The following CISH variants were observed in gnomAD, a reference collection of about 807,000 sequenced individuals.
The protein encoded by CISH is cytokine-inducible SH2-containing protein.
Under a neutral mutation model 21.3 loss-of-function variants are expected in CISH, and 11 were observed. The ratio of observed to expected loss-of-function variants is 0.52; its 90% CI spans 0.32 to 0.85. The LOEUF (loss-of-function observed/expected upper bound fraction) is 0.85, where lower values mean the gene tolerates loss of function less well. Ranked by LOEUF, CISH falls within the 40% of genes least tolerant of loss-of-function variation. CISH has a pLI of 0.03. For missense variants in CISH, 280 were observed against 351.7 expected (o/e 0.80, Z 1.63); for synonymous variants, 118 against 142.3 (o/e 0.83, Z 1.22).
chr3:50,611,417 G>A, intron 1 of CISH: 2 of 1,361,478 alleles, frequency 1.5e-6, no homozygotes, highest in African/African-American at 1.5e-5. Flanking sequence ...GCCAGCCCCC[G>A]GTTTCCCAAT....
At position 50,608,540 on chromosome 3, in the gene CISH, G is replaced by A. The variant is rs371205890; in HGVS notation, c.74C>T (p.Pro25Leu). The A allele has an allele frequency of 1.9e-4, 296 of 1,591,972 alleles. 1 individual carries two copies. Among genetic ancestry groups the A allele is most frequent in the Non-Finnish European group, 2.2e-4 (261 of 1,170,086 alleles). Residue 25 changes from proline to leucine, a missense_variant, in exon 2 of 3, where the codon CCG becomes CTG. Physicochemically the swap from Pro to Leu is moderately conservative, Grantham distance 98. Coordinates refer to ENST00000348721, the MANE Select transcript of CISH (RefSeq NM_145071.4). ...GACTGGCTTGGGCAGTTCCAGGGAC[G>A]GGGCCCACAGGGGCCGCTGCCCAGT... is the stretch of plus-strand genomic sequence containing the variant. ...ERTGQRPLWA[P>L]SLELPKPVMQ...
chr3:50,611,389 G>A (rs1430752627), intron 1 of CISH: 3 of 1,357,572 alleles, frequency 2.2e-6, no homozygotes, highest in African/African-American at 3.1e-5. Flanking sequence ...CCCACCCTGT[G>A]AGTTCCTCCT....
At chr3:50,610,925 G>A in intron 1 of CISH, 1 of 1,010,114 alleles carries the variant, frequency 9.9e-7, no homozygotes, top group Non-Finnish European at 1.2e-6. Context: ...CTCAGCTCAG[G>A]TCAAGACTCT....
chr3:50,609,436 T>A (rs1210533930), intron 1 of CISH: 2 of 152,202 alleles, frequency 1.3e-5, no homozygotes, highest in Non-Finnish European at 2.9e-5. Flanking sequence ...TTTTCCGCAA[T>A]AAAGGGTCCC....
chr3:50,611,711 A>G lies in CISH; in HGVS notation c.-61T>C. The G allele has an allele frequency of 7.0e-7, 1 of 1,438,516 alleles. No homozygotes were observed. 89.1% of individuals were successfully genotyped at this position (1,438,516 alleles called of 1,614,324 possible). On this transcript the variant is annotated 5_prime_UTR_variant, in exon 1 of 3. Coordinates refer to ENST00000348721, the MANE Select transcript of CISH (RefSeq NM_145071.4). Reference sequence around the variant, plus strand: ...CGGCTGGACGGCGGCGGCTGGAGGGAACCAGTGGGCGCGGAGCGCGTGCTG... The same window carrying G: ...CGGCTGGACGGCGGCGGCTGGAGGGGACCAGTGGGCGCGGAGCGCGTGCTG...
In CISH at chr3:50,607,995, C is replaced by T. The variant is rs201825038; in HGVS notation, c.389G>A (p.Arg130His). 4.3e-6 allele frequency: 7 copies of T among 1,614,050 alleles called. No homozygotes were observed. The highest frequency in any genetic ancestry group is 4.2e-6 in the Non-Finnish European group (5 of 1,180,024). Residue 130 changes from arginine (R) to histidine (H), a missense_variant, in exon 3 of 3, where the codon CGC becomes CAC. By Grantham distance (29) the Arg-to-His change is conservative. Transcript: ENST00000348721. Reference sequence around the variant, plus strand: ...GAAGCTGGAGTCGGCATACTCAATGCGTACATTGGTGGGGCCACGAGTGGT... The same window carrying T: ...GAAGCTGGAGTCGGCATACTCAATGTGTACATTGGTGGGGCCACGAGTGGT... ...VKTTRGPTNV[R>H]IEYADSSFRL...
chr3:50,611,101 G>A (rs2032309873), intron 1 of CISH: 2 of 983,632 alleles, frequency 2.0e-6, no homozygotes, highest in Non-Finnish European at 2.4e-6. Flanking sequence ...CCAAACCCAG[G>A]GCCTCCCGAG....
rs1199440919 is a variant in CISH at position 50,608,449 on chromosome 3, C to T, written c.165G>A (p.Glu55=). ...CTGGGTCCAGCACCTTTGGCTCACT[C>T]TCTGTCTGGGCTGGGGTACCCTCTG... ...EVAEGTPAQT[E]SEPKVLDPEE... is the part of the protein sequence containing the mutation. The change falls in exon 2 of 3, where the codon GAG becomes GAA. Residue 55 remains glutamate, a synonymous_variant. Coordinates refer to ENST00000348721, the MANE Select transcript of CISH (RefSeq NM_145071.4). The T allele has an allele frequency of 1.2e-6, 2 of 1,613,708 alleles. No individual in the cohort carries two copies. The highest frequency in any genetic ancestry group is 2.7e-5 in the African/African-American group (2 of 74,956).
intron 2 of CISH, 114 bp downstream of exon 2, chr3:50,608,259 T>C: frequency 1.4e-6 from 2 of 1,462,784 alleles, no homozygotes; most frequent in Non-Finnish European, 1.9e-6. Context: ...GCTGTGCCTC[T>C]CCCATCAGAC....
chr3:50,611,768 A>C lies in CISH; in HGVS notation c.-118T>G, dbSNP rs2107562347. The C allele has an allele frequency of 7.6e-7, 1 of 1,319,872 alleles. No individual in the cohort carries two copies. Among genetic ancestry groups the C allele is most frequent in the Admixed American group, 4.1e-5 (1 of 24,690 alleles). 81.8% of individuals were successfully genotyped at this position (1,319,872 alleles called of 1,614,324 possible). On this transcript the variant is annotated 5_prime_UTR_variant, in exon 1 of 3. Transcript: ENST00000348721. The stretch of plus-strand genomic sequence containing the variant: ...CTCCCGGGGCGCGCGGGCGCAGGAC[A>C]GGGACTGAGAGGCAGTGGCGCGGAC...
At position 50,607,776 on chromosome 3, in the gene CISH, G is replaced by A. The variant is rs756310030; in HGVS notation, c.608C>T (p.Ala203Val). ...CACCAGTTTTAGGTGTACAGCAGTGGCTGGTGGAGGAGCAGGCAGTGCTGG... is the reference window on the plus strand; with the variant it reads ...CACCAGTTTTAGGTGTACAGCAGTGACTGGTGGAGGAGCAGGCAGTGCTGG... ...SDPALPAPPPATAVHLKLVQP... is the reference protein window; with the variant it reads ...SDPALPAPPPVTAVHLKLVQP... Residue 203 changes from alanine (A) to valine (V), a missense_variant, in exon 3 of 3, where the codon GCC (alanine) becomes GTC (valine). Physicochemically the swap from Ala to Val is moderately conservative, Grantham distance 64. Transcript: ENST00000348721. 2.5e-6 allele frequency: 4 copies of A among 1,613,920 alleles called. No individual in the cohort carries two copies. The South Asian group carries it at 3.3e-5, about 13-fold the overall frequency.
chr3:50,611,480 G>A, intron 1 of CISH, 151 bp downstream of exon 1: 1 of 1,456,380 alleles, frequency 6.9e-7, no homozygotes, highest in Non-Finnish European at 9.0e-7. Flanking sequence ...GAGTGTCACA[G>A]CCCCACACAG....
At position 50,606,851 on chromosome 3, in the gene CISH, A is replaced by G. The variant is rs947400922; in HGVS notation, c.*756T>C. On this transcript the variant is annotated 3_prime_UTR_variant, in exon 3 of 3. Coordinates refer to ENST00000348721, the MANE Select transcript of CISH (RefSeq NM_145071.4). Reference sequence around the variant, plus strand: ...TGCTGGGGACTGAGGCTCCGGCTGCATTTTCTTACCTATTGTAGTTGTCCA... The same window carrying G: ...TGCTGGGGACTGAGGCTCCGGCTGCGTTTTCTTACCTATTGTAGTTGTCCA... 2.0e-5 allele frequency: 3 copies of G among 152,476 alleles called. No individual in the cohort carries two copies. Among genetic ancestry groups the G allele is most frequent in the Admixed American group, 6.5e-5 (1 of 15,280 alleles). The allele number at this position is 152,476 out of a possible 1,614,324, so 9.4% of individuals were successfully genotyped here. A position where few individuals can be genotyped will look rare whatever the true frequency, so the allele number is the denominator to read the frequency against.
In CISH at chr3:50,607,731, C is replaced by T; in HGVS notation, c.653G>A (p.Ser218Asn). 1 of 1,613,980 alleles carries T rather than the reference C, an allele frequency of 6.2e-7. No homozygotes were observed. Among genetic ancestry groups the T allele is most frequent in the Non-Finnish European group, 8.5e-7 (1 of 1,179,934 alleles). ...LKLVQPFVRR[S>N]SARSLQHLCR... The stretch of plus-strand genomic sequence containing the variant: ...CAGGTGTTGCAGGCTGCGGGCACTG[C>T]TTCTGCGTACAAAGGGCTGCACCAG... The change falls in exon 3 of 3, where the codon AGC becomes AAC. Residue 218 changes from serine (S) to asparagine (N), a missense_variant. Transcript: ENST00000348721.
chr3:50,610,471 T>C (rs2032290349), intron 1 of CISH: 2 of 1,551,206 alleles, frequency 1.3e-6, no homozygotes, highest in Non-Finnish European at 1.7e-6. Flanking sequence ...AGCGCAGCAG[T>C]CTAAAACTTT....
In CISH at chr3:50,608,453, G is replaced by A. The variant is rs562587305; in HGVS notation, c.161C>T (p.Thr54Ile). The change falls in exon 2 of 3, where the codon ACA (threonine) becomes ATA (isoleucine). Residue 54 changes from threonine to isoleucine, a missense_variant. By Grantham distance (89) the Thr-to-Ile change is moderately conservative. Transcript: ENST00000348721. ...GTCCAGCACCTTTGGCTCACTCTCT[G>A]TCTGGGCTGGGGTACCCTCTGCCAC... ...EEVAEGTPAQ[T>I]ESEPKVLDPE... 2.5e-6 allele frequency: 4 copies of A among 1,613,842 alleles called. No homozygotes were observed. Among genetic ancestry groups the A allele is most frequent in the African/African-American group, 1.3e-5 (1 of 75,066 alleles).
At chr3:50,610,183 C>T in intron 1 of CISH, 1 of 643,146 alleles carries the variant, frequency 1.6e-6, no homozygotes, top group Non-Finnish European at 2.7e-6. Context: ...TGCTGGGGCC[C>T]AGAGCTACCT....
chr3:50,610,942 T>C, intron 1 of CISH: 1 of 1,001,908 alleles, frequency 1.0e-6, no homozygotes, highest in Non-Finnish European at 1.2e-6. Flanking sequence ...CTCTGTCTTA[T>C]CAGCATCCCC....
chr3:50,611,570 G>A, intron 1 of CISH, 61 bp downstream of exon 1: 1 of 1,525,876 alleles, frequency 6.6e-7, no homozygotes, highest in Non-Finnish European at 8.8e-7. Flanking sequence ...CTAGCACGAA[G>A]CCCCTGTTCT....
Sources: allele counts gnomAD v4.1 joint callset, GRCh38; gene constraint gnomAD v4.1.1; transcripts MANE v1.5; gene names NCBI Gene and HGNC (gene_info 2026-07-23, HGNC 2026-07-21).